The following PRKACB variants were observed in gnomAD, a reference collection of about 807,000 sequenced individuals.
The protein encoded by PRKACB is protein kinase cAMP-activated catalytic subunit beta.
Under a neutral mutation model 51.4 loss-of-function variants are expected in PRKACB, and 16 were observed. The observed-to-expected ratio is 0.31, with a 90% CI of 0.21 to 0.47. The LOEUF is 0.47. PRKACB is among the 20% of genes least tolerant of loss of function. The pLI, the probability that PRKACB is intolerant of heterozygous loss-of-function variation, is 1.00. For synonymous variants in PRKACB, 147 were observed against 154.4 expected, an observed-to-expected ratio of 0.95 and a Z score of 0.35; for missense variants, 309 against 464.5, an observed-to-expected ratio of 0.67 and a Z score of 3.08.
At position 84,206,525 on chromosome 1, in the gene PRKACB, G is replaced by A. The variant is rs74095513; in HGVS notation, c.906+3720G>A. ...AGACACCAGGCACAAGCTTTCAAGA[G>A]TCCTCTCCCAGGGCATTCACAAGGG... On this transcript the variant is annotated intron_variant, in intron 8 of 9. Coordinates refer to ENST00000370685, the MANE Select transcript of PRKACB (RefSeq NM_182948.4). Among the ~76,000 whole-genome samples, 431 of 152,260 alleles carry A rather than the reference G, an allele frequency of 2.8e-3. 2 individuals are homozygous for A. Among genetic ancestry groups the A allele is most frequent in the African/African-American group, 1.0e-2 (415 of 41,554 alleles).
In PRKACB at chr1:84,204,683, A is replaced by G. The variant is rs1054810406; in HGVS notation, c.906+1878A>G. Reference sequence around the variant, plus strand: ...AAAAACTAAGAATGTAAATGTTATAATAATTGTTTCAAATCATTTAATTGA... The same window carrying G: ...AAAAACTAAGAATGTAAATGTTATAGTAATTGTTTCAAATCATTTAATTGA... On this transcript the variant is annotated intron_variant, in intron 8 of 9. Transcript: ENST00000370685. 2.6e-5 allele frequency: 27 copies of G among 1,031,380 alleles called. No homozygotes were observed. The African/African-American group carries it at 4.1e-4, about 16-fold the overall frequency. 63.9% of individuals were successfully genotyped at this position (1,031,380 alleles called of 1,614,324 possible). A position where few individuals can be genotyped will look rare whatever the true frequency, so the allele number is the denominator to read the frequency against.
chr1:84,194,171 T>C (rs555937340), intron 5 of PRKACB, among the ~76,000 whole-genome samples: 1 of 152,286 alleles, frequency 6.6e-6, no homozygotes, highest in Non-Finnish European at 1.5e-5. Context: ...TTATTTAAAG[T>C]TTACACTAAA....
intron 9 of PRKACB, among the ~76,000 whole-genome samples, chr1:84,227,368 T>G (rs540237791): frequency 6.6e-6 from 1 of 152,222 alleles, no homozygotes; most frequent in East Asian, 1.9e-4. Flanking sequence ...ATTATCTTTA[T>G]TGTTGTATTT....
At chr1:84,091,139 C>T (rs1171537663) in intron 1 of PRKACB, among the ~76,000 whole-genome samples, 2 of 152,100 alleles carry the variant, frequency 1.3e-5, no homozygotes, top group African/African-American at 2.4e-5. Flanking sequence ...AATCAGTTGA[C>T]TTTGGTGCCC....
intron 1 of PRKACB, among the ~76,000 whole-genome samples, chr1:84,134,612 A>G (rs1057028461): frequency 3.8e-5 from 5 of 132,162 alleles, no homozygotes. Flanking sequence ...ATGTTAAGAG[A>G]TAAGATTAAA....
intron 7 of PRKACB, among the ~76,000 whole-genome samples, chr1:84,198,545 A>C (rs1668839071): frequency 6.6e-6 from 1 of 152,086 alleles, no homozygotes; most frequent in Admixed American, 6.6e-5. Flanking sequence ...ATTTCTTTCA[A>C]CTTTTCTCTC....
intron 9 of PRKACB, among the ~76,000 whole-genome samples, chr1:84,223,374 T>G (rs1307741666): frequency 1.9e-4 from 11 of 58,124 alleles, no homozygotes; most frequent in South Asian, 1.8e-3. Context: ...TTTTTTGTTT[T>G]TTTGTTTTTT....
chr1:84,109,340 C>T (rs1043466238), intron 1 of PRKACB, among the ~76,000 whole-genome samples: 5 of 151,920 alleles, frequency 3.3e-5, no homozygotes, highest in African/African-American at 1.2e-4. Context: ...GCACTACTAG[C>T]ATTGCATGAG....
At chr1:84,174,328 A>G (rs948865930) in intron 1 of PRKACB, among the ~76,000 whole-genome samples, 5 of 151,824 alleles carry the variant, frequency 3.3e-5, no homozygotes, top group African/African-American at 9.7e-5. Flanking sequence ...ATCTTTCAAG[A>G]TTCAGCACAA....
Position 84,099,396 on chromosome 1 carries a change from CAT to C in PRKACB, c.46+21028_46+21029del, listed in dbSNP as rs539402739. Among the ~76,000 whole-genome samples, 34 of 152,020 alleles carry C rather than the reference CAT, an allele frequency of 2.2e-4. No homozygotes were observed. The South Asian group carries it at 5.6e-3, about 25-fold the overall frequency. On this transcript the variant is annotated intron_variant, in intron 1 of 8. Transcript: ENST00000370688. ...TTAGTTTATATATTTTCTAGAATAA[CAT>C]ATTTCAGTTTAAATATGTATTTATT...
At chr1:84,227,730 GA>G (rs36079911) in intron 9 of PRKACB, among the ~76,000 whole-genome samples, 148,924 of 152,270 alleles carry the variant, frequency 0.98, 72,918 homozygotes, top group East Asian at 1. Flanking sequence ...GCCAAATCTT[GA>G]ATTATCAATG....
At position 84,135,937 on chromosome 1, in the gene PRKACB, AAAC is replaced by A. The variant is rs564050730; in HGVS notation, c.47-43237_47-43235del. On this transcript the variant is annotated intron_variant, in intron 1 of 8. Transcript: ENST00000370688. ...TTAGAGCAGAAATCATTGAAATGGA[AAAC>A]AATAAATTCAACAAAACTAAAAGTT... 5.6e-3 allele frequency among the ~76,000 whole-genome samples: 849 copies of A among 152,168 alleles called. 13 individuals carry two copies. The highest frequency in any genetic ancestry group is 0.02 in the African/African-American group (814 of 41,570).
chr1:84,117,754 AT>A (rs1650746476), intron 1 of PRKACB, among the ~76,000 whole-genome samples: 1 of 151,876 alleles, frequency 6.6e-6, no homozygotes, highest in Middle Eastern at 3.2e-3. Context: ...ACTTTTGTTG[AT>A]CGTTTATGTT....
chr1:84,227,517 C>G (rs566726726), intron 9 of PRKACB, among the ~76,000 whole-genome samples: 276 of 152,210 alleles, frequency 1.8e-3, no homozygotes, highest in African/African-American at 6.4e-3. Flanking sequence ...TGCCAAATAG[C>G]AGTCATTTAC....
At chr1:84,139,780 C>G (rs552701712), upstream of PRKACB, among the ~76,000 whole-genome samples, 1 of 152,066 alleles carries the variant, frequency 6.6e-6, no homozygotes, top group African/African-American at 2.4e-5. Flanking sequence ...GAAAAAGGGC[C>G]GGGCACTGTG....
At chr1:84,204,384 A>G (rs1670988402) in intron 8 of PRKACB, 6 of 910,476 alleles carry the variant, frequency 6.6e-6, no homozygotes, top group Non-Finnish European at 1.1e-5. Flanking sequence ...AGAATGCAGT[A>G]CTTATTTAAA....
In PRKACB at chr1:84,153,511, CCTGT is replaced by C. The variant is rs1482313148; in HGVS notation, c.187+8966_187+8969del. Among the ~76,000 whole-genome samples, 12 of 152,228 alleles carry C rather than the reference CCTGT, an allele frequency of 7.9e-5. No individual in the cohort carries two copies. The South Asian group carries it at 1.0e-3, about 13-fold the overall frequency. On this transcript the variant is annotated intron_variant, in intron 1 of 9. Transcript: ENST00000370685. ...CGATGAATCTCCAGGACTTATTCAT[CCTGT>C]CTAAGTGAAATTTTGTACCCTTTAG...
chr1:84,151,856 A>G (rs1193943993), intron 1 of PRKACB, among the ~76,000 whole-genome samples: 2 of 152,192 alleles, frequency 1.3e-5, no homozygotes, highest in Non-Finnish European at 2.9e-5. Context: ...AAACGCATCT[A>G]TGAGAGTTGG....
rs1269633550 is a variant in PRKACB, at chr1:84,181,749, C to T, written c.250-451C>T. 4.1e-6 allele frequency: 6 copies of T among 1,462,068 alleles called. No homozygotes were observed. The East Asian group carries it at 1.5e-4, about 37-fold the overall frequency. 90.6% of individuals were successfully genotyped at this position (1,462,068 alleles called of 1,614,324 possible). A position where few individuals can be genotyped will look rare whatever the true frequency, so the allele number is the denominator to read the frequency against. On this transcript the variant is annotated intron_variant, in intron 2 of 9. Transcript: ENST00000370685. ...CACAGGTAACTTTAGTGAAAGAGCTCTGATCCCTCAGTTTATCTATTCATT... is the reference window on the plus strand; with the variant it reads ...CACAGGTAACTTTAGTGAAAGAGCTTTGATCCCTCAGTTTATCTATTCATT...
Sources: allele counts gnomAD v4.1 joint callset (sites outside exome capture counted in the v4.1 genomes callset), GRCh38; gene constraint gnomAD v4.1.1; transcripts MANE v1.5; gene names NCBI Gene and HGNC (gene_info 2026-07-23, HGNC 2026-07-21).